RNF130: variants seen among roughly 807,000 people sequenced by gnomAD.
RNF130 encodes the protein E3 ubiquitin-protein ligase RNF130.
In RNF130, 21 loss-of-function variants were observed where a neutral mutation model predicts 44.6. The ratio of observed to expected loss-of-function variants is 0.47; its 90% CI spans 0.33 to 0.68. The LOEUF is 0.68. RNF130 is among the 30% of genes least tolerant of loss of function. The probability of loss-of-function intolerance (pLI) is 0.02; values close to 1 mark genes in which losing one functional copy is unlikely to be tolerated. For synonymous variants in RNF130, 214 were observed against 210.4 expected, an observed-to-expected ratio of 1.02 and a Z score of -0.15; for missense variants, 479 against 560.6, an observed-to-expected ratio of 0.85 and a Z score of 1.47.
chr5:179,951,441 T>C (rs1762124219), downstream of RNF130, among the ~76,000 whole-genome samples: 3 of 151,612 alleles, frequency 2.0e-5, no homozygotes, highest in South Asian at 6.2e-4. Flanking sequence ...TGGAGTGCAG[T>C]GGCGCGATCT....
At chr5:179,927,072 G>A (rs1234352106) in intron 7 of RNF130, among the ~76,000 whole-genome samples, 1 of 152,186 alleles carries the variant, frequency 6.6e-6, no homozygotes, top group Non-Finnish European at 1.5e-5. Context: ...CGTCAGAAGT[G>A]GAAATGACCG....
intron 1 of RNF130, among the ~76,000 whole-genome samples, chr5:180,051,632 T>G (rs573271993): frequency 1.3e-5 from 2 of 152,288 alleles, no homozygotes; most frequent in Admixed American, 6.5e-5. Context: ...GTCCTAACAG[T>G]GGAACTGCAG....
chr5:179,963,348 G>A (rs1303094888), intron 8 of RNF130, 123 bp downstream of exon 8: 5 of 693,384 alleles, frequency 7.2e-6, no homozygotes, highest in African/African-American at 1.8e-5. Context: ...TGCTAGATAC[G>A]ATCCCATCAG....
At chr5:180,063,084 C>T (rs1157208021) in intron 1 of RNF130, among the ~76,000 whole-genome samples, 2 of 152,118 alleles carry the variant, frequency 1.3e-5, no homozygotes, top group Admixed American at 6.5e-5. Context: ...CCTCATACTG[C>T]ACAGAGACTT....
chr5:179,981,647 G>A (rs1561679649), intron 3 of RNF130, among the ~76,000 whole-genome samples: 1 of 152,130 alleles, frequency 6.6e-6, no homozygotes, highest in Admixed American at 6.5e-5. Context: ...TAATAGACAC[G>A]GGCTTTTGTT....
downstream of RNF130, among the ~76,000 whole-genome samples, chr5:179,953,768 A>T (rs1762160889): frequency 6.6e-6 from 1 of 152,240 alleles, no homozygotes; most frequent in Non-Finnish European, 1.5e-5. Flanking sequence ...ATTCAACTTC[A>T]TCTAAATTTA....
chr5:179,954,468 A>C (rs916098216), downstream of RNF130, among the ~76,000 whole-genome samples: 30 of 152,234 alleles, frequency 2.0e-4, 1 homozygote, highest in Admixed American at 1.8e-3. Context: ...GACGCCAGAC[A>C]CAAAAGGCCA....
intron 3 of RNF130, among the ~76,000 whole-genome samples, chr5:180,010,244 CAAAAAAAAAAAAA>C (rs71001067): frequency 5.9e-3 from 242 of 41,124 alleles, no homozygotes; most frequent in Admixed American, 6.6e-3. Flanking sequence ...GACTACATCT[CAAAAAAAAAAAAA>C]AAAAAAAAAA....
exon 8 of RNF130, chr5:179,917,642 G>A (rs545478464): frequency 1.3e-5 from 2 of 152,276 alleles, no homozygotes; most frequent in African/African-American, 2.4e-5. Flanking sequence ...CCAGGGTCCC[G>A]ACTTAGCAGG....
chr5:179,951,898 G>C (rs1217911013), downstream of RNF130, among the ~76,000 whole-genome samples: 1 of 152,134 alleles, frequency 6.6e-6, no homozygotes, highest in South Asian at 2.1e-4. Context: ...ATTTACAAAT[G>C]AGTGAAATAG....
At chr5:179,960,483 G>A (rs1177995845) in intron 8 of RNF130, among the ~76,000 whole-genome samples, 3 of 152,328 alleles carry the variant, frequency 2.0e-5, no homozygotes, top group Non-Finnish European at 2.9e-5. Context: ...TGCACCGAGC[G>A]TGGTGAGGAA....
chr5:179,998,894 A>G lies in RNF130; in HGVS notation c.693+14167T>C, dbSNP rs138810095. On this transcript the variant is annotated intron_variant, in intron 3 of 8. Coordinates refer to ENST00000521389, the MANE Select transcript of RNF130 (RefSeq NM_018434.6). ...ATATATATATATATATGTTTTATAT[A>G]TCTGAGTGCTCCAGTGTTGGGTGTA... is the stretch of plus-strand genomic sequence containing the variant. Among the ~76,000 whole-genome samples the G allele has an allele frequency of 7.8e-3, 838 of 107,192 alleles. 33 individuals are homozygous for G. Among genetic ancestry groups the G allele is most frequent in the African/African-American group, 0.028 (800 of 28,144 alleles). 70.3% of individuals were successfully genotyped at this position (107,192 alleles called of 152,430 possible). A position where few individuals can be genotyped will look rare whatever the true frequency, so the allele number is the denominator to read the frequency against.
At chr5:180,031,041 AC>A (rs1764120209) in intron 2 of RNF130, among the ~76,000 whole-genome samples, 1 of 152,192 alleles carries the variant, frequency 6.6e-6, no homozygotes, top group Non-Finnish European at 1.5e-5. Context: ...GATGTGACCA[AC>A]TTCCACTTAA....
chr5:179,984,364 T>G (rs1265781053), intron 3 of RNF130, among the ~76,000 whole-genome samples: 2 of 152,144 alleles, frequency 1.3e-5, no homozygotes, highest in Non-Finnish European at 2.9e-5. Flanking sequence ...TTCCTAATGT[T>G]AGAAAAAAGA....
At chr5:180,019,863 A>AC (rs1190072205) in intron 2 of RNF130, among the ~76,000 whole-genome samples, 1 of 152,170 alleles carries the variant, frequency 6.6e-6, no homozygotes, top group Non-Finnish European at 1.5e-5. Flanking sequence ...AGCACTGGGG[A>AC]GCCACATGGC....
intron 1 of RNF130, among the ~76,000 whole-genome samples, chr5:180,065,900 A>T (rs1272833772): frequency 6.6e-6 from 1 of 152,202 alleles, no homozygotes; most frequent in Non-Finnish European, 1.5e-5. Context: ...CTGCCTCGGA[A>T]TAACTTTCAA....
intron 7 of RNF130, among the ~76,000 whole-genome samples, chr5:179,943,964 T>C (rs923424107): frequency 6.6e-6 from 1 of 152,166 alleles, no homozygotes; most frequent in African/African-American, 2.4e-5. Flanking sequence ...CTTCTCTTTA[T>C]TTCTGAGAAA....
chr5:180,069,366 T>C (rs1338401193), intron 1 of RNF130, among the ~76,000 whole-genome samples: 3 of 152,172 alleles, frequency 2.0e-5, no homozygotes, highest in Non-Finnish European at 4.4e-5. Flanking sequence ...GTGAAGACCC[T>C]TGGTACAAAG....
At chr5:179,923,544 C>G (rs1761662857) in intron 7 of RNF130, among the ~76,000 whole-genome samples, 1 of 152,198 alleles carries the variant, frequency 6.6e-6, no homozygotes, top group Non-Finnish European at 1.5e-5. Context: ...TACCAAGGAG[C>G]TGAGTCTCAG....
Sources: allele counts gnomAD v4.1 joint callset (sites outside exome capture counted in the v4.1 genomes callset), GRCh38; gene constraint gnomAD v4.1.1; transcripts MANE v1.5; gene names NCBI Gene and HGNC (gene_info 2026-07-23, HGNC 2026-07-21).